Variants in CYP11B2 observed in about 807,000 individuals in gnomAD.
CYP11B2 encodes cytochrome P450 family 11 subfamily B member 2.
In CYP11B2, 38 loss-of-function variants were observed where a neutral mutation model predicts 49.3. That is an observed-to-expected ratio of 0.77 (90% CI 0.59 to 1.01). The LOEUF (loss-of-function observed/expected upper bound fraction) is 1.01, where lower values mean the gene tolerates loss of function less well. Among genes scored for constraint, CYP11B2 ranks in the 50% least tolerant of loss-of-function variants. The pLI is 0.00. For synonymous variants in CYP11B2, 290 were observed against 269.3 expected, an observed-to-expected ratio of 1.08 and a Z score of -0.75; for missense variants, 669 against 655.5, an observed-to-expected ratio of 1.02 and a Z score of -0.23.
At chr8:142,913,596 C>T (rs533274336) in intron 5 of CYP11B2, 145 bp from the exon 6 acceptor site, 5 of 973,950 alleles carry the variant, frequency 5.1e-6, no homozygotes, top group Non-Finnish European at 8.0e-6. Context: ...GATCTGAAAC[C>T]TTGATGACCA....
chr8:142,916,699 A>G (rs944089106), intron 2 of CYP11B2, among the ~76,000 whole-genome samples: 20 of 152,056 alleles, frequency 1.3e-4, no homozygotes, highest in Non-Finnish European at 1.9e-4. Flanking sequence ...GGGCCAGTGG[A>G]AGTCCCCTTC....
Position 142,915,067 on chromosome 8 carries a change from T to C in CYP11B2, c.574A>G (p.Ile192Val). Residue 192 changes from isoleucine (I) to valine (V), a missense_variant, in exon 3 of 9, where the codon ATC becomes GTC. Transcript: ENST00000323110. ...GSLTLDVQPS[I>V]FHYTIEASNL... ...ACACCTTCTATGGTGTAGTGGAAGA[T>C]GCTGGGCTGGACGTCCAGGGTCAGG... The C allele has an allele frequency of 5.0e-6, 8 of 1,613,910 alleles. No individual in the cohort carries two copies. The highest frequency in any genetic ancestry group is 1.1e-5 in the South Asian group (1 of 91,024).
Position 142,917,046 on chromosome 8 carries a change from A to C in CYP11B2, c.395+13T>G, listed in dbSNP as rs1817659251. On this transcript the variant is annotated intron_variant, in intron 2 of 8. Transcript: ENST00000323110. ...CCCTGCTCCCAGCTCTCAGCTCCCAACTCGCCGCTTACAACAAGAACACGC... is the reference window on the plus strand; with the variant it reads ...CCCTGCTCCCAGCTCTCAGCTCCCACCTCGCCGCTTACAACAAGAACACGC... 1 of 1,613,568 alleles carries C rather than the reference A, an allele frequency of 6.2e-7. No homozygotes were observed. Among genetic ancestry groups the C allele is most frequent in the African/African-American group, 1.3e-5 (1 of 74,770 alleles).
rs1005277521 is a variant in CYP11B2 at position 142,910,633 on chromosome 8, C to T, written c.*1347G>A. 6.6e-6 allele frequency: 1 copy of T among 151,976 alleles called. No individual in the cohort carries two copies. Among genetic ancestry groups the T allele is most frequent in the Non-Finnish European group, 1.5e-5 (1 of 68,016 alleles). The allele number at this position is 151,976 out of a possible 1,614,324, so 9.4% of individuals were successfully genotyped here. ...GAGTTGGATGGGTATCTGTGAGAGCCCCATAAACAAGGAAGCCATCTCTGA... is the reference window on the plus strand; with the variant it reads ...GAGTTGGATGGGTATCTGTGAGAGCTCCATAAACAAGGAAGCCATCTCTGA... On this transcript the variant is annotated 3_prime_UTR_variant, in exon 9 of 9. Coordinates refer to ENST00000323110, the MANE Select transcript of CYP11B2 (RefSeq NM_000498.3). This position sits in a 1 kb window ranked among gnomAD's most constrained non-coding sequence, Gnocchi z 4.6.
intron 2 of CYP11B2, among the ~76,000 whole-genome samples, chr8:142,916,657 G>A (rs985886806): frequency 1.1e-4 from 17 of 151,810 alleles, no homozygotes; most frequent in Non-Finnish European, 2.1e-4. Flanking sequence ...TGGCCCCGGC[G>A]AACACCAGGC....
At chr8:142,913,918 A>T (rs750339810) in intron 5 of CYP11B2, 6 of 508,050 alleles carry the variant, frequency 1.2e-5, no homozygotes, top group Non-Finnish European at 2.3e-5. Context: ...TGCCCAGTGG[A>T]GTCCTCCAGC....
intron 2 of CYP11B2, chr8:142,916,328 G>A (rs901789500): frequency 1.4e-5 from 6 of 442,826 alleles, no homozygotes; most frequent in Non-Finnish European, 9.1e-6. Flanking sequence ...TCCCAATAGC[G>A]TTCCCTTCCT....
chr8:142,913,961 A>G, intron 5 of CYP11B2: 1 of 546,552 alleles, frequency 1.8e-6, no homozygotes, highest in South Asian at 1.5e-5. Context: ...TTGTACACCC[A>G]GAGCTTTCCA....
chr8:142,911,832 G>A lies in CYP11B2; in HGVS notation c.*148C>T, dbSNP rs1459176978. The A allele has an allele frequency of 2.5e-6, 3 of 1,217,974 alleles. No individual in the cohort carries two copies. Among genetic ancestry groups the A allele is most frequent in the Non-Finnish European group, 3.4e-6 (3 of 869,652 alleles). The allele number at this position is 1,217,974 out of a possible 1,614,324, so 75.4% of individuals were successfully genotyped here. A position where few individuals can be genotyped will look rare whatever the true frequency, so the allele number is the denominator to read the frequency against. On this transcript the variant is annotated 3_prime_UTR_variant, in exon 9 of 9. Transcript: ENST00000323110. ...ACAAGCCTGGCAAGCCCCAGTCCTG[G>A]AGGCCCTGGGGAGTTCCATTTGTGC...
chr8:142,913,133 C>A, intron 6 of CYP11B2, 152 bp downstream of exon 6: 1 of 960,016 alleles, frequency 1.0e-6, no homozygotes. Context: ...AAGAAGAGCT[C>A]CCTGTCCTTG....
chr8:142,914,099 C>A, intron 5 of CYP11B2, 165 bp downstream of exon 5: 4 of 800,988 alleles, frequency 5.0e-6, no homozygotes, highest in Non-Finnish European at 8.5e-6. Context: ...CCCTCCCCTG[C>A]AAATCTCATC....
chr8:142,913,309 C>G lies in CYP11B2; in HGVS notation c.1097G>C (p.Arg366Pro), dbSNP rs746586684. ...CCGCAAGGTCTCCTTGAGGGCCGCC[C>G]GCAGCAAGGGCAGCTCGGTGGTTGC... is the stretch of plus-strand genomic sequence containing the variant. ...QKATTELPLLRAALKETLRLY... is the reference protein window; with the variant it reads ...QKATTELPLLPAALKETLRLY... Residue 366 changes from arginine (R) to proline (P), a missense_variant, in exon 6 of 9, where the codon CGG becomes CCG. By Grantham distance (103) the Arg-to-Pro change is moderately radical. Transcript: ENST00000323110. 1.9e-6 allele frequency: 3 copies of G among 1,613,702 alleles called. No individual in the cohort carries two copies. The African/African-American group carries it at 4.0e-5, about 22-fold the overall frequency.
At chr8:142,915,964 G>A (rs1385450622) in intron 2 of CYP11B2, among the ~76,000 whole-genome samples, 5 of 152,198 alleles carry the variant, frequency 3.3e-5, no homozygotes, top group Non-Finnish European at 7.3e-5. Context: ...GCCCATGCAA[G>A]ACCTCAACAC....
intron 2 of CYP11B2, 69 bp from the exon 3 acceptor site, chr8:142,915,314 C>T: frequency 7.3e-6 from 10 of 1,374,186 alleles, no homozygotes; most frequent in Admixed American, 2.0e-5. Flanking sequence ...GTATCCCATC[C>T]TCCTTGTCCC....
At chr8:142,913,476 C>A (rs1439796945) in intron 5 of CYP11B2, 25 bp from the exon 6 acceptor site, 4 of 1,613,878 alleles carry the variant, frequency 2.5e-6, no homozygotes, top group Non-Finnish European at 3.4e-6. Flanking sequence ...TCTGCAGGGT[C>A]AGACCTTGCA....
In CYP11B2 at chr8:142,911,732, G is replaced by A; in HGVS notation, c.*248C>T. 2 of 549,074 alleles carry A rather than the reference G, an allele frequency of 3.6e-6. No individual in the cohort carries two copies. The highest frequency in any genetic ancestry group is 6.5e-6 in the Non-Finnish European group (2 of 308,866). 34.0% of individuals were successfully genotyped at this position (549,074 alleles called of 1,614,324 possible). On this transcript the variant is annotated 3_prime_UTR_variant, in exon 9 of 9. Transcript: ENST00000323110. Reference sequence around the variant, plus strand: ...GAGGGCACTGCTTGCTGGAGAAGGGGCCAGGTGGAGCTGGGGACAAGGCCA... The same window carrying A: ...GAGGGCACTGCTTGCTGGAGAAGGGACCAGGTGGAGCTGGGGACAAGGCCA...
At position 142,917,231 on chromosome 8, in the gene CYP11B2, G is replaced by T. The variant is rs769967283; in HGVS notation, c.240-17C>A. On this transcript the variant is annotated splice_polypyrimidine_tract_variant and intron_variant, in intron 1 of 8. Coordinates refer to ENST00000323110, the MANE Select transcript of CYP11B2 (RefSeq NM_000498.3). ...AAGTTGTACCTGTGGGGCCAAGCAG[G>T]AGGCCCTGCTGGACGGGGTCATGTC... 1 of 1,613,454 alleles carries T rather than the reference G, an allele frequency of 6.2e-7. No homozygotes were observed. The highest frequency in any genetic ancestry group is 1.1e-5 in the South Asian group (1 of 91,086).
chr8:142,915,165 G>A lies in CYP11B2; in HGVS notation c.476C>T (p.Pro159Leu), dbSNP rs563073392. The A allele has an allele frequency of 2.1e-5, 34 of 1,614,120 alleles. No individual in the cohort carries two copies. The highest frequency in any genetic ancestry group is 1.4e-4 in the South Asian group (13 of 91,066). The stretch of plus-strand genomic sequence containing the variant: ...GTCCCTGGCCACTGCATCCACCATC[G>A]GGAGGAACCTCTGCACGGCCTTGGG... ...LSPKAVQRFLPMVDAVARDFS... is the reference protein window; with the variant it reads ...LSPKAVQRFLLMVDAVARDFS... Residue 159 changes from proline (P) to leucine (L), a missense_variant, in exon 3 of 9, where the codon CCG (proline) becomes CTG (leucine). Pro to Leu is a moderately conservative substitution (Grantham distance 98). Transcript: ENST00000323110.
chr8:142,913,977 GAC>G (rs1369584562), intron 5 of CYP11B2: 1 of 569,702 alleles, frequency 1.8e-6, no homozygotes, highest in South Asian at 1.5e-5. Flanking sequence ...TTCCAGTGGG[GAC>G]AGAGCTGCTG....
Sources: gnomAD v4.1 joint callset for allele counts (sites outside exome capture counted in the v4.1 genomes callset) on GRCh38, gnomAD v4.1.1 for gene constraint, Gnocchi (gnomAD v3.1) non-coding constraint, MANE v1.5 for transcripts, NCBI Gene and HGNC (gene_info 2026-07-23, HGNC 2026-07-21) for gene names.